The following POU5F1B variants were observed in gnomAD, a reference collection of about 807,000 sequenced individuals.
The protein encoded by POU5F1B is POU class 5 homeobox 1B.
Under a neutral mutation model 28.1 loss-of-function variants are expected in POU5F1B, and 24 were observed. That is an observed-to-expected ratio of 0.85 (90% CI 0.62 to 1.20). The LOEUF (loss-of-function observed/expected upper bound fraction) is 1.20, where lower values mean the gene tolerates loss of function less well. Ranked by LOEUF, POU5F1B falls within the 50% of genes most tolerant of loss-of-function variation. The pLI is 0.00. For missense variants in POU5F1B, 451 were observed against 451.5 expected, an observed-to-expected ratio of 1.00 and a Z score of 0.01; for synonymous variants, 220 against 193.2, an observed-to-expected ratio of 1.14 and a Z score of -1.15.
At chr8:127,415,905 C>G (rs746560962) in exon 3 of POU5F1B, 13 of 1,541,950 alleles carry the variant, frequency 8.4e-6, no homozygotes, top group South Asian at 2.4e-5. Flanking sequence ...CCTTCTCGCC[C>G]CCTCCAGGCG....
chr8:127,416,157 C>T (rs1773777427), exon 3 of POU5F1B: 2 of 1,613,778 alleles, frequency 1.2e-6, no homozygotes, highest in African/African-American at 1.3e-5. Flanking sequence ...AGCCTGAGAG[C>T]GAAGCAGGAG....
chr8:127,414,674 G>T (rs1815104809), intron 1 of POU5F1B, among the ~76,000 whole-genome samples: 3 of 152,158 alleles, frequency 2.0e-5, no homozygotes, highest in Admixed American at 2.0e-4. Context: ...AGTGGCAGAG[G>T]CAAAAACATG....
exon 3 of POU5F1B, chr8:127,416,008 G>C: frequency 6.3e-7 from 1 of 1,596,798 alleles, no homozygotes; most frequent in Non-Finnish European, 8.5e-7. Flanking sequence ...GCCAGGAATC[G>C]GGCCGGGGGT....
chr8:127,416,620 T>A, exon 3 of POU5F1B: 1 of 1,599,170 alleles, frequency 6.3e-7, no homozygotes, highest in Non-Finnish European at 8.5e-7. Context: ...GTTCCTGCAG[T>A]GCCCGAAACC....
At chr8:127,416,619 G>A (rs1815146187) in exon 3 of POU5F1B, 1 of 1,599,388 alleles carries the variant, frequency 6.3e-7, no homozygotes, top group Admixed American at 1.7e-5. Flanking sequence ...TGTTCCTGCA[G>A]TGCCCGAAAC....
chr8:127,416,304 C>T, exon 3 of POU5F1B: 2 of 1,613,678 alleles, frequency 1.2e-6, no homozygotes, highest in South Asian at 2.2e-5. Flanking sequence ...AGAAAGAACT[C>T]GAGCAATTTG....
chr8:127,417,037 T>G lies in POU5F1B; in HGVS notation c.*91T>G, dbSNP rs1815157305. ...TTGTGGCAGGGCTTTTGGGATTAAG[T>G]TCTTCATTCACTAAGGAAGGAATTG... On this transcript the variant is annotated 3_prime_UTR_variant, in exon 3 of 3. Transcript: ENST00000465342. The G allele has an allele frequency of 1.9e-6, 3 of 1,541,824 alleles. No individual in the cohort carries two copies. The Admixed American group carries it at 5.9e-5, about 30-fold the overall frequency.
chr8:127,415,712 A>C, exon 3 of POU5F1B: 1 of 1,261,062 alleles, frequency 7.9e-7, no homozygotes, highest in Non-Finnish European at 1.0e-6. Context: ...AAGAGTTCCT[A>C]ACACATTCAG....
At chr8:127,415,986 C>T (rs376562387) in exon 3 of POU5F1B, 1 of 1,586,570 alleles carries the variant, frequency 6.3e-7, no homozygotes, top group Non-Finnish European at 8.6e-7. Flanking sequence ...GCTTCCAAGG[C>T]CCTCCTGGAG....
At chr8:127,416,272 T>C (rs780020292) in exon 3 of POU5F1B, 5 of 1,613,796 alleles carry the variant, frequency 3.1e-6, no homozygotes, top group Non-Finnish European at 4.2e-6. Flanking sequence ...CCCGGAGAAG[T>C]CCCAGGACAT....
chr8:127,416,172 G>A, exon 3 of POU5F1B: 1 of 1,613,852 alleles, frequency 6.2e-7, no homozygotes, highest in South Asian at 1.1e-5. Context: ...CAGGAGTCGG[G>A]GTGGAGAGCA....
intron 1 of POU5F1B, among the ~76,000 whole-genome samples, chr8:127,414,046 GA>G (rs1815097102): frequency 6.6e-6 from 1 of 152,214 alleles, no homozygotes; most frequent in South Asian, 2.1e-4. Context: ...GAATTGAGCA[GA>G]AAGTTATTAC....
exon 3 of POU5F1B, chr8:127,415,926 T>C (rs1397052243): frequency 1.3e-6 from 2 of 1,552,434 alleles, no homozygotes; most frequent in Non-Finnish European, 1.7e-6. Flanking sequence ...GTGGGGGTGA[T>C]GGGCCATGGG....
chr8:127,416,256 G>A, exon 3 of POU5F1B: 1 of 1,613,890 alleles, frequency 6.2e-7, no homozygotes, highest in Non-Finnish European at 8.5e-7. Context: ...AGAAGCTAGA[G>A]CAAAACCCGG....
chr8:127,416,070 G>A (rs745433783), exon 3 of POU5F1B: 1 of 1,612,480 alleles, frequency 6.2e-7, no homozygotes, highest in Non-Finnish European at 8.5e-7. Flanking sequence ...CGCCGTATGA[G>A]TTATGTGGGG....
chr8:127,416,907 C>T lies in POU5F1B; in HGVS notation c.1041C>T (p.Val347=), dbSNP rs766805368. 3 of 1,600,712 alleles carry T rather than the reference C, an allele frequency of 1.9e-6. No homozygotes were observed. In the Admixed American group the frequency reaches 5.2e-5, roughly 28 times the overall value. ...CTGAGGGGGAAGTCTTTCCCCCAGT[C>T]TCCGTCATCACTCTGGGCTCTCCCA... Residue 347 remains valine (V), a synonymous_variant, in exon 3 of 3, where the codon GTC becomes GTT. Transcript: ENST00000465342.
chr8:127,415,584 G>A (rs1249484126), exon 3 of POU5F1B: 3 of 406,980 alleles, frequency 7.4e-6, no homozygotes, highest in African/African-American at 4.1e-5. Flanking sequence ...ATTTCAGATC[G>A]GCCACTGACA....
At chr8:127,416,206 C>A (rs1450287336) in exon 3 of POU5F1B, 13 of 1,613,898 alleles carry the variant, frequency 8.1e-6, no homozygotes, top group Non-Finnish European at 1.0e-5. Flanking sequence ...CTCCCCGGAA[C>A]CCTGCACCGT....
At chr8:127,416,157 C>G (rs1773777427) in exon 3 of POU5F1B, 1 of 1,613,660 alleles carries the variant, frequency 6.2e-7, no homozygotes, top group Admixed American at 1.7e-5. Context: ...AGCCTGAGAG[C>G]GAAGCAGGAG....
Sources: gnomAD v4.1 joint callset for allele counts (sites outside exome capture counted in the v4.1 genomes callset) on GRCh38, gnomAD v4.1.1 for gene constraint, MANE v1.5 for transcripts, NCBI Gene and HGNC (gene_info 2026-07-23, HGNC 2026-07-21) for gene names.